MACROD2: variants seen among roughly 807,000 people sequenced by gnomAD.
MACROD2 encodes the protein mono-ADP ribosylhydrolase 2.
A neutral mutation model predicts 70.4 loss-of-function variants in MACROD2; 36 were observed. The observed-to-expected ratio is 0.51, with a 90% confidence interval of 0.39 to 0.68. MACROD2 has a LOEUF of 0.68. MACROD2 is among the 30% of genes least tolerant of loss of function. MACROD2 has a pLI of 0.00. For missense variants in MACROD2, 496 were observed against 538.4 expected (o/e 0.92, Z 0.78); for synonymous variants, 172 against 178.8 (o/e 0.96, Z 0.30).
intron 8 of MACROD2, among the ~76,000 whole-genome samples, chr20:15,799,288 G>C (rs1311940814): frequency 6.6e-6 from 1 of 152,106 alleles, no homozygotes; most frequent in Non-Finnish European, 1.5e-5. Context: ...TCATTTATTT[G>C]TGTTGGGAAC....
At chr20:15,988,646 A>G (rs1248673325) in intron 15 of MACROD2, among the ~76,000 whole-genome samples, 1 of 152,130 alleles carries the variant, frequency 6.6e-6, no homozygotes, top group South Asian at 2.1e-4. Flanking sequence ...TCTTTTTCTG[A>G]TAATGGTGGA....
At chr20:15,532,445 A>C (rs2047816361) in intron 8 of MACROD2, among the ~76,000 whole-genome samples, 1 of 152,022 alleles carries the variant, frequency 6.6e-6, no homozygotes, top group Non-Finnish European at 1.5e-5. Context: ...AATATTTTGC[A>C]AGTTTTAGCT....
intron 6 of MACROD2, among the ~76,000 whole-genome samples, chr20:15,379,548 C>G (rs2146275247): frequency 6.6e-6 from 1 of 152,148 alleles, no homozygotes; most frequent in East Asian, 1.9e-4. Flanking sequence ...CGATCATTCA[C>G]TGGATGGCTC....
intron 12 of MACROD2, among the ~76,000 whole-genome samples, chr20:15,946,863 T>C (rs1398411944): frequency 2.6e-5 from 4 of 152,068 alleles, no homozygotes; most frequent in African/African-American, 9.7e-5. Flanking sequence ...ATTTCCACCA[T>C]CTCAGCAAGA....
At chr20:14,528,230 C>T (rs1307551918) in intron 4 of MACROD2, among the ~76,000 whole-genome samples, 4 of 151,812 alleles carry the variant, frequency 2.6e-5, no homozygotes, top group Non-Finnish European at 5.9e-5. Context: ...CTGCCTCAGC[C>T]TCCCAAGTAG....
At chr20:15,909,457 A>G (rs571909802) in intron 10 of MACROD2, among the ~76,000 whole-genome samples, 1 of 151,560 alleles carries the variant, frequency 6.6e-6, no homozygotes, top group African/African-American at 2.4e-5. Context: ...AGGTACAGTC[A>G]TTTTTGGAAA....
chr20:15,566,423 G>A (rs778494533), intron 8 of MACROD2, among the ~76,000 whole-genome samples: 4 of 152,104 alleles, frequency 2.6e-5, no homozygotes, highest in Admixed American at 2.6e-4. Context: ...GCTTGAACCC[G>A]GGAGGAGGAG....
At chr20:14,776,411 A>T (rs1040745601) in intron 5 of MACROD2, among the ~76,000 whole-genome samples, 1 of 152,024 alleles carries the variant, frequency 6.6e-6, no homozygotes, top group Admixed American at 6.6e-5. Context: ...GTTGAATGAG[A>T]TAAGGTTGAT....
intron 8 of MACROD2, among the ~76,000 whole-genome samples, chr20:15,625,238 G>A (rs6110696): frequency 0.021 from 3,177 of 152,264 alleles, 100 homozygotes; most frequent in African/African-American, 0.07. Flanking sequence ...CAAGTGTAGA[G>A]AAGACCACAA....
At chr20:15,469,548 G>A (rs924174570) in intron 7 of MACROD2, among the ~76,000 whole-genome samples, 13 of 152,274 alleles carry the variant, frequency 8.5e-5, no homozygotes, top group Non-Finnish European at 1.6e-4. Flanking sequence ...ATGCCTGGCA[G>A]TTGGGTACAA....
chr20:14,604,093 G>A (rs189996448), intron 4 of MACROD2, among the ~76,000 whole-genome samples: 116 of 152,194 alleles, frequency 7.6e-4, no homozygotes, highest in African/African-American at 2.5e-3. Context: ...TTTGGGTTTG[G>A]TCTGAAAACA....
intron 5 of MACROD2, among the ~76,000 whole-genome samples, chr20:14,919,004 T>C (rs1380048051): frequency 6.6e-6 from 1 of 152,172 alleles, no homozygotes; most frequent in Non-Finnish European, 1.5e-5. Flanking sequence ...TGATAACTGA[T>C]AAAGCCTTTT....
At chr20:14,150,303 A>C (rs541921978) in intron 3 of MACROD2, among the ~76,000 whole-genome samples, 62 of 152,278 alleles carry the variant, frequency 4.1e-4, no homozygotes, top group Middle Eastern at 3.4e-3. Context: ...TTTGAATTAG[A>C]AAGTTGTGTG....
chr20:15,940,834 A>G (rs1384312419), intron 12 of MACROD2, among the ~76,000 whole-genome samples: 3 of 152,244 alleles, frequency 2.0e-5, no homozygotes, highest in African/African-American at 7.2e-5. Context: ...CAGAGCGAAA[A>G]GACAGAAAGT....
Position 15,858,857 on chromosome 20 carries a change from A to G in MACROD2, c.646-3888A>G, listed in dbSNP as rs556079864. On this transcript the variant is annotated intron_variant, in intron 8 of 17. Coordinates refer to ENST00000684519, the MANE Select transcript of MACROD2 (RefSeq NM_001351661.2). ...ATACAGCATCATTTCTATCATAGTCATAGGCTTCCCAGATTCAAGAGGTGG... is the reference window on the plus strand; with the variant it reads ...ATACAGCATCATTTCTATCATAGTCGTAGGCTTCCCAGATTCAAGAGGTGG... 3.1e-4 allele frequency among the ~76,000 whole-genome samples: 47 copies of G among 152,266 alleles called. 1 individual carries two copies. The South Asian group carries it at 9.3e-3, about 30-fold the overall frequency.
At chr20:15,005,441 T>G (rs943488454) in intron 5 of MACROD2, among the ~76,000 whole-genome samples, 1 of 152,220 alleles carries the variant, frequency 6.6e-6, no homozygotes, top group Non-Finnish European at 1.5e-5. Context: ...TTATCTAACA[T>G]GGCCAAGGAA....
intron 5 of MACROD2, among the ~76,000 whole-genome samples, chr20:14,931,070 G>A (rs1477406379): frequency 1.3e-5 from 2 of 152,022 alleles, no homozygotes; most frequent in Admixed American, 1.3e-4. Flanking sequence ...TGAAGGCACA[G>A]AATTGATAGA....
At chr20:15,250,947 T>C (rs1029217465) in intron 6 of MACROD2, among the ~76,000 whole-genome samples, 2 of 152,172 alleles carry the variant, frequency 1.3e-5, no homozygotes, top group African/African-American at 4.8e-5. Flanking sequence ...TAAATGAATG[T>C]TGAATCTATG....
At chr20:15,533,676 A>T (rs1269516047) in intron 8 of MACROD2, among the ~76,000 whole-genome samples, 1 of 152,130 alleles carries the variant, frequency 6.6e-6, no homozygotes, top group African/African-American at 2.4e-5. Context: ...GGTACTTTGC[A>T]GGCATAGCTG....
Sources: allele counts gnomAD v4.1 joint callset (sites outside exome capture counted in the v4.1 genomes callset), GRCh38; gene constraint gnomAD v4.1.1; transcripts MANE v1.5; gene names NCBI Gene and HGNC (gene_info 2026-07-23, HGNC 2026-07-21).